The following COLEC10 variants were observed in gnomAD, a reference collection of about 807,000 sequenced individuals.
COLEC10 encodes collectin-10.
Under a neutral mutation model 28.4 loss-of-function variants are expected in COLEC10, and 22 were observed. The ratio of observed to expected loss-of-function variants is 0.78; its 90% CI spans 0.55 to 1.11. The LOEUF (loss-of-function observed/expected upper bound fraction) is 1.11. Among genes scored for constraint, COLEC10 ranks in the 50% least tolerant of loss-of-function variants. COLEC10 has a pLI of 0.00. For synonymous variants in COLEC10, 125 were observed against 116.1 expected (o/e 1.08, Z -0.49); for missense variants, 361 against 344.1 (o/e 1.05, Z -0.39).
intron 1 of COLEC10, among the ~76,000 whole-genome samples, chr8:119,087,257 A>T (rs531916966): frequency 6.6e-6 from 1 of 152,304 alleles, no homozygotes; most frequent in Non-Finnish European, 1.5e-5. Flanking sequence ...TTATGATCCC[A>T]CCATGCTTTG....
chr8:119,095,244 A>G (rs1815686974), intron 3 of COLEC10, among the ~76,000 whole-genome samples: 1 of 152,210 alleles, frequency 6.6e-6, no homozygotes. Context: ...AAATCCAACA[A>G]AAGTTATAAG....
chr8:119,090,599 T>C (rs1815570319), intron 2 of COLEC10, among the ~76,000 whole-genome samples: 1 of 152,244 alleles, frequency 6.6e-6, no homozygotes, highest in African/African-American at 2.4e-5. Context: ...TTTTTTAGAC[T>C]TTTATAAAAA....
intron 2 of COLEC10, among the ~76,000 whole-genome samples, chr8:119,029,825 C>T (rs1006959334): frequency 6.6e-6 from 1 of 152,054 alleles, no homozygotes; most frequent in Non-Finnish European, 1.5e-5. Context: ...TTCTCCATGC[C>T]CTTGTTAATT....
chr8:119,062,137 T>G (rs1456782621), intron 2 of COLEC10, among the ~76,000 whole-genome samples: 1 of 152,064 alleles, frequency 6.6e-6, no homozygotes, highest in African/African-American at 2.4e-5. Flanking sequence ...ATTATAAACA[T>G]TATTGTATTA....
chr8:119,085,977 T>C (rs1815473564), intron 1 of COLEC10, among the ~76,000 whole-genome samples: 1 of 152,186 alleles, frequency 6.6e-6, no homozygotes, highest in South Asian at 2.1e-4. Context: ...CTCCCCAGTC[T>C]ATAAGATTGT....
At chr8:119,102,652 A>G in intron 4 of COLEC10, 2 of 387,276 alleles carry the variant, frequency 5.2e-6, no homozygotes, top group African/African-American at 4.2e-5. Context: ...CCAGCCCATC[A>G]GGAAGCAGCC....
chr8:118,994,959 A>T (rs566598303), upstream of COLEC10, among the ~76,000 whole-genome samples: 2 of 152,278 alleles, frequency 1.3e-5, no homozygotes, highest in East Asian at 1.9e-4. Flanking sequence ...CTTATTAAGG[A>T]TGTGTTAATT....
intron 2 of COLEC10, among the ~76,000 whole-genome samples, chr8:119,030,346 A>T (rs186783116): frequency 6.6e-6 from 1 of 152,350 alleles, no homozygotes; most frequent in African/African-American, 2.4e-5. Context: ...TAAATTAAAA[A>T]TATACTTTAG....
At chr8:119,039,418 C>T (rs1009643582) in intron 2 of COLEC10, among the ~76,000 whole-genome samples, 3 of 152,138 alleles carry the variant, frequency 2.0e-5, no homozygotes, top group Non-Finnish European at 4.4e-5. Flanking sequence ...GACTGTAAGA[C>T]CTAAGAGGGG....
chr8:118,999,700 T>C (rs767848952), intron 1 of COLEC10, among the ~76,000 whole-genome samples: 7 of 152,100 alleles, frequency 4.6e-5, no homozygotes, highest in Non-Finnish European at 7.4e-5. Flanking sequence ...TGAAGTTATT[T>C]AAGAGAAGGA....
At chr8:119,037,279 G>C (rs1314534695) in intron 2 of COLEC10, among the ~76,000 whole-genome samples, 2 of 152,154 alleles carry the variant, frequency 1.3e-5, no homozygotes, top group African/African-American at 4.8e-5. Context: ...GAAGGACCAT[G>C]TCTAACTTAT....
intron 1 of COLEC10, among the ~76,000 whole-genome samples, chr8:119,004,295 A>G (rs1424029851): frequency 3.3e-5 from 5 of 151,912 alleles, no homozygotes; most frequent in African/African-American, 1.2e-4. Flanking sequence ...TAACCTAATA[A>G]CAATGATCCT....
chr8:119,058,582 A>C (rs1196487443), intron 2 of COLEC10, among the ~76,000 whole-genome samples: 1 of 152,064 alleles, frequency 6.6e-6, no homozygotes, highest in African/African-American at 2.4e-5. Context: ...AGTGCCATCT[A>C]TGTTGCATGT....
At chr8:118,997,269 CTG>C (rs1813605168) in intron 1 of COLEC10, among the ~76,000 whole-genome samples, 1 of 152,098 alleles carries the variant, frequency 6.6e-6, no homozygotes, top group African/African-American at 2.4e-5. Context: ...TATTTTCACT[CTG>C]TTGATTGTTT....
At chr8:119,070,367 C>G (rs1404264016) in intron 1 of COLEC10, among the ~76,000 whole-genome samples, 2 of 152,016 alleles carry the variant, frequency 1.3e-5, no homozygotes, top group Non-Finnish European at 2.9e-5. Context: ...GACTCTGTTG[C>G]AAGCCATCAT....
chr8:118,993,655 A>T (rs914158626), upstream of COLEC10, among the ~76,000 whole-genome samples: 1 of 152,100 alleles, frequency 6.6e-6, no homozygotes, highest in Non-Finnish European at 1.5e-5. Context: ...ACACCCAGCC[A>T]TGGTCTTTCT....
At chr8:118,978,072 AT>A in the COLEC10 span, among the ~76,000 whole-genome samples, 2 of 152,114 alleles carry the variant, frequency 1.3e-5, no homozygotes, top group Admixed American at 1.3e-4. Context: ...TACAAAATGG[AT>A]TGAATGGAGG....
chr8:118,991,333 C>A (rs1183335712), upstream of COLEC10, among the ~76,000 whole-genome samples: 8 of 152,182 alleles, frequency 5.3e-5, no homozygotes, highest in Non-Finnish European at 8.8e-5. Context: ...GTACCCATTT[C>A]ATCAAGTTGC....
chr8:118,968,872 T>C, the COLEC10 span, among the ~76,000 whole-genome samples: 3 of 151,998 alleles, frequency 2.0e-5, no homozygotes, highest in Non-Finnish European at 4.4e-5. Flanking sequence ...ACATGTGGTG[T>C]TTGGTTTTCT....
Sources: allele counts gnomAD v4.1 joint callset (sites outside exome capture counted in the v4.1 genomes callset), GRCh38; gene constraint gnomAD v4.1.1; transcripts MANE v1.5; gene names NCBI Gene and HGNC (gene_info 2026-07-23, HGNC 2026-07-21).